The following NIPSNAP3B variants were observed in gnomAD, a reference collection of about 807,000 sequenced individuals.
NIPSNAP3B encodes the protein protein NipSnap homolog 3B.
Under a neutral mutation model 31.5 loss-of-function variants are expected in NIPSNAP3B, and 30 were observed. The observed-to-expected ratio is 0.95, with a 90% CI of 0.71 to 1.29. NIPSNAP3B has a LOEUF of 1.29. NIPSNAP3B is among the 50% of genes most tolerant of loss of function. The probability of loss-of-function intolerance (pLI) is 0.00; values close to 1 mark genes in which losing one functional copy is unlikely to be tolerated. For synonymous variants in NIPSNAP3B, 106 were observed against 107.9 expected, an observed-to-expected ratio of 0.98 and a Z score of 0.11; for missense variants, 269 against 300.7, an observed-to-expected ratio of 0.89 and a Z score of 0.78.
Position 104,775,177 on chromosome 9 carries a change from C to CT in NIPSNAP3B, c.*2112dup, listed in dbSNP as rs34979251. ...TTCTTCTCCTCAGCATATAAATATA[C>CT]TTTTTTTTCCTATCTTTAAAAAAAA... On this transcript the variant is annotated 3_prime_UTR_variant, in exon 6 of 6. Coordinates refer to ENST00000374762, the MANE Select transcript of NIPSNAP3B (RefSeq NM_018376.4). Among the ~76,000 whole-genome samples, 53,656 of 150,226 alleles carry CT rather than the reference C, an allele frequency of 0.36. 9,837 individuals carry two copies. The highest frequency in any genetic ancestry group is 0.53 in the East Asian group (2,714 of 5,086).
At chr9:104,780,885 G>T (rs1172783837), downstream of NIPSNAP3B, 1 of 152,388 alleles carries the variant, frequency 6.6e-6, no homozygotes, top group Admixed American at 6.6e-5. Flanking sequence ...ATGATTAAGG[G>T]AACATTTGAA....
At chr9:104,778,090 A>T (rs1352874711), downstream of NIPSNAP3B, among the ~76,000 whole-genome samples, 1 of 151,942 alleles carries the variant, frequency 6.6e-6, no homozygotes, top group Admixed American at 6.5e-5. Context: ...ACTCTCTCTC[A>T]CTGGCCAGTC....
downstream of NIPSNAP3B, among the ~76,000 whole-genome samples, chr9:104,778,106 C>G (rs1828375673): frequency 1.3e-5 from 2 of 152,212 alleles, no homozygotes; most frequent in African/African-American, 4.8e-5. Flanking sequence ...CAGTCCCTCT[C>G]AATTTCCCTG....
chr9:104,766,640 A>G, intron 2 of NIPSNAP3B, 105 bp downstream of exon 2: 1 of 1,134,374 alleles, frequency 8.8e-7, no homozygotes, highest in Non-Finnish European at 1.3e-6. Flanking sequence ...CATACAGGTT[A>G]AGTAAGACTT....
rs1828320359 is a variant in NIPSNAP3B at position 104,775,655 on chromosome 9, A to G, written c.*2582A>G. 6.6e-6 allele frequency among the ~76,000 whole-genome samples: 1 copy of G among 152,136 alleles called. No individual in the cohort carries two copies. Among genetic ancestry groups the G allele is most frequent in the African/African-American group, 2.4e-5 (1 of 41,440 alleles). Reference sequence around the variant, plus strand: ...ACATGTGAATTTGAATTCCAGGCTCATCACATCCAGGTGTGTTCCCCACAC... The same window carrying G: ...ACATGTGAATTTGAATTCCAGGCTCGTCACATCCAGGTGTGTTCCCCACAC... On this transcript the variant is annotated 3_prime_UTR_variant, in exon 6 of 6. Coordinates refer to ENST00000374762, the MANE Select transcript of NIPSNAP3B (RefSeq NM_018376.4).
intron 1 of NIPSNAP3B, 23 bp from the exon 2 acceptor site, chr9:104,766,302 T>C (rs1407788726): frequency 6.3e-7 from 1 of 1,597,956 alleles, no homozygotes; most frequent in Non-Finnish European, 8.6e-7. Flanking sequence ...CCAAGATATT[T>C]ACATTTGTCT....
chr9:104,772,891 C>G lies in NIPSNAP3B; in HGVS notation c.650C>G (p.Pro217Arg), dbSNP rs777450781. Residue 217 changes from proline to arginine, a missense_variant, in exon 5 of 6, where the codon CCC becomes CGC. Transcript: ENST00000374762. Reference protein sequence around the residue: ...AAGRHKSHEDPRVVAAVRESV... With the variant: ...AAGRHKSHEDRRVVAAVRESV... The stretch of plus-strand genomic sequence containing the variant: ...GGGAGACATAAGTCCCATGAGGATC[C>G]CAGAGTTGTGGCGGCTGGTAAGCTG... 5.6e-6 allele frequency: 9 copies of G among 1,613,616 alleles called. No homozygotes were observed. Among genetic ancestry groups the G allele is most frequent in the Middle Eastern group, 1.7e-4 (1 of 6,060 alleles).
At chr9:104,765,021 TG>T (rs1467573848) in intron 1 of NIPSNAP3B, among the ~76,000 whole-genome samples, 2 of 152,222 alleles carry the variant, frequency 1.3e-5, no homozygotes, top group Non-Finnish European at 2.9e-5. Flanking sequence ...ATTTTTAAAC[TG>T]TAGATACTAA....
At position 104,770,855 on chromosome 9, in the gene NIPSNAP3B, A is replaced by G. The variant is rs1297554191; in HGVS notation, c.437A>G (p.Tyr146Cys). ...ATTTTTCTCCCTATTCTAGGAGTCT[A>G]TGAACTAGCTGTTTTTCAGATGAAA... is the stretch of plus-strand genomic sequence containing the variant. Reference protein sequence around the residue: ...KLEKPPKEGVYELAVFQMKPG... With the variant: ...KLEKPPKEGVCELAVFQMKPG... Residue 146 changes from tyrosine (Y) to cysteine (C), a missense_variant, in exon 4 of 6, where the codon TAT (tyrosine) becomes TGT (cysteine). Physicochemically the swap from Tyr to Cys is radical, Grantham distance 194 (BLOSUM62 -2). Transcript: ENST00000374762. The G allele has an allele frequency of 7.4e-6, 12 of 1,613,510 alleles. No individual in the cohort carries two copies. The highest frequency in any genetic ancestry group is 2.2e-5 in the East Asian group (1 of 44,870).
intron 2 of NIPSNAP3B, 36 bp from the exon 3 acceptor site, chr9:104,768,827 T>TA (rs771747415): frequency 2.1e-5 from 33 of 1,574,244 alleles, no homozygotes; most frequent in Middle Eastern, 1.7e-4. Context: ...CGATTTTAAA[T>TA]AAAAAAACAT....
chr9:104,778,835 A>G (rs1828386765), downstream of NIPSNAP3B, among the ~76,000 whole-genome samples: 1 of 152,154 alleles, frequency 6.6e-6, no homozygotes, highest in African/African-American at 2.4e-5. Flanking sequence ...CTGAAACAGT[A>G]GGTCACACCA....
At chr9:104,789,634 T>C in the NIPSNAP3B span, among the ~76,000 whole-genome samples, 13 of 152,170 alleles carry the variant, frequency 8.5e-5, no homozygotes, top group African/African-American at 3.1e-4. Flanking sequence ...AATAGCAGAG[T>C]GCACTACAAT....
Position 104,768,929 on chromosome 9 carries a change from C to G in NIPSNAP3B, c.338C>G (p.Ser113Cys), listed in dbSNP as rs1307056618. Residue 113 changes from serine to cysteine, a missense_variant, in exon 3 of 6, where the codon TCT becomes TGT. Ser to Cys is a moderately radical substitution (Grantham distance 112). Transcript: ENST00000374762. ...LANCKEWQEQ[S>C]IIPNLARIDK... ...AACTGTAAGGAATGGCAAGAACAATCTATCATTCCAAATTTGGCTCGCATT... is the reference window on the plus strand; with the variant it reads ...AACTGTAAGGAATGGCAAGAACAATGTATCATTCCAAATTTGGCTCGCATT... The G allele has an allele frequency of 6.2e-7, 1 of 1,613,798 alleles. No individual in the cohort carries two copies.
Position 104,776,599 on chromosome 9 carries a change from T to C in NIPSNAP3B, c.*3526T>C, listed in dbSNP as rs1167837094. Among the ~76,000 whole-genome samples the C allele has an allele frequency of 6.6e-6, 1 of 152,164 alleles. No homozygotes were observed. Among genetic ancestry groups the C allele is most frequent in the African/African-American group, 2.4e-5 (1 of 41,428 alleles). ...CCCTGGTCTTAGACTTCCCAGCCACTAGATCTGTGAGAAAGAAATGTTTGT... is the reference window on the plus strand; with the variant it reads ...CCCTGGTCTTAGACTTCCCAGCCACCAGATCTGTGAGAAAGAAATGTTTGT... On this transcript the variant is annotated 3_prime_UTR_variant, in exon 6 of 6. Transcript: ENST00000374762.
the NIPSNAP3B span, chr9:104,784,341 C>T: frequency 1.9e-6 from 3 of 1,614,106 alleles, no homozygotes; most frequent in Non-Finnish European, 2.5e-6. Context: ...TTCACTTTCT[C>T]ATCCTGTAGA....
chr9:104,787,028 G>A, the NIPSNAP3B span: 1 of 1,531,354 alleles, frequency 6.5e-7, no homozygotes, highest in Non-Finnish European at 8.9e-7. Flanking sequence ...AAAAATCAAA[G>A]ATAAATTTGT....
chr9:104,766,253 C>G, intron 1 of NIPSNAP3B, 72 bp from the exon 2 acceptor site: 1 of 1,224,270 alleles, frequency 8.2e-7, no homozygotes, highest in Non-Finnish European at 1.2e-6. Flanking sequence ...TTGTACCAGA[C>G]TCAGATTTGG....
the NIPSNAP3B span, chr9:104,787,951 G>A: frequency 6.2e-7 from 1 of 1,614,050 alleles, no homozygotes; most frequent in Non-Finnish European, 8.5e-7. Context: ...GCCGATCAAA[G>A]CCATGGCTGT....
At chr9:104,768,644 C>G (rs1828138186) in intron 2 of NIPSNAP3B, among the ~76,000 whole-genome samples, 1 of 152,146 alleles carries the variant, frequency 6.6e-6, no homozygotes, top group African/African-American at 2.4e-5. Flanking sequence ...AAAGCCCATT[C>G]TATGTCAATT....
Sources: gnomAD v4.1 joint callset for allele counts (sites outside exome capture counted in the v4.1 genomes callset) on GRCh38, gnomAD v4.1.1 for gene constraint, MANE v1.5 for transcripts, NCBI Gene and HGNC (gene_info 2026-07-23, HGNC 2026-07-21) for gene names.